The following SLC39A11 variants were observed in gnomAD, a reference collection of about 807,000 sequenced individuals.
The protein encoded by SLC39A11 is solute carrier family 39 member 11.
Under a neutral mutation model 36.1 loss-of-function variants are expected in SLC39A11, and 33 were observed. The observed-to-expected ratio is 0.91, with a 90% CI of 0.69 to 1.22. The LOEUF is 1.22. Among genes scored for constraint, SLC39A11 ranks in the 50% most tolerant of loss-of-function variants. The pLI is 0.00. For synonymous variants in SLC39A11, 166 were observed against 170.3 expected, an observed-to-expected ratio of 0.97 and a Z score of 0.20; for missense variants, 432 against 430.3, an observed-to-expected ratio of 1.00 and a Z score of -0.03.
chr17:72,671,988 C>T (rs189684741), intron 7 of SLC39A11, among the ~76,000 whole-genome samples: 1 of 152,224 alleles, frequency 6.6e-6, no homozygotes, highest in Non-Finnish European at 1.5e-5. Context: ...GTATTGTAAA[C>T]TTGAAATCTG....
chr17:72,977,578 C>T (rs2148127709), intron 4 of SLC39A11, among the ~76,000 whole-genome samples: 1 of 152,136 alleles, frequency 6.6e-6, no homozygotes, highest in African/African-American at 2.4e-5. Flanking sequence ...GTGAGATACA[C>T]CAGGGACAAG....
intron 5 of SLC39A11, among the ~76,000 whole-genome samples, chr17:72,904,011 G>A (rs1483375403): frequency 6.6e-6 from 1 of 152,200 alleles, no homozygotes; most frequent in Non-Finnish European, 1.5e-5. Flanking sequence ...ACATGGGCCA[G>A]GCACTGTGCT....
At position 72,647,384 on chromosome 17, in the gene SLC39A11, A is replaced by G. The variant is rs1021081422; in HGVS notation, c.*200T>C. On this transcript the variant is annotated 3_prime_UTR_variant, in exon 10 of 10. Coordinates refer to ENST00000255559, the MANE Select transcript of SLC39A11 (RefSeq NM_139177.4). The stretch of plus-strand genomic sequence containing the variant: ...GAATCTGTATTTCCATGACACCTTA[A>G]AATTCCCCATTAAATCAAAAATCTC... 20 of 440,274 alleles carry G rather than the reference A, an allele frequency of 4.5e-5. No homozygotes were observed. The highest frequency in any genetic ancestry group is 6.1e-5 in the Non-Finnish European group (15 of 246,152). 27.3% of individuals were successfully genotyped at this position (440,274 alleles called of 1,614,324 possible). A position where few individuals can be genotyped will look rare whatever the true frequency, so the allele number is the denominator to read the frequency against.
intron 4 of SLC39A11, among the ~76,000 whole-genome samples, chr17:73,020,302 T>C (rs2058298860): frequency 6.6e-6 from 1 of 152,160 alleles, no homozygotes. Flanking sequence ...ATAATAGGAT[T>C]AGTGTCCTTG....
chr17:72,931,299 G>T (rs1259742973), intron 5 of SLC39A11, among the ~76,000 whole-genome samples: 1 of 152,304 alleles, frequency 6.6e-6, no homozygotes, highest in South Asian at 2.1e-4. Context: ...GAGAAGTACT[G>T]GTGGACTGCA....
chr17:73,047,627 G>C (rs1479938539), intron 3 of SLC39A11, among the ~76,000 whole-genome samples: 1 of 151,880 alleles, frequency 6.6e-6, no homozygotes, highest in South Asian at 2.1e-4. Context: ...GTAAGCAGCA[G>C]AGCCAAGATT....
chr17:72,727,823 G>A (rs1450155171), intron 7 of SLC39A11, among the ~76,000 whole-genome samples: 1 of 152,100 alleles, frequency 6.6e-6, no homozygotes, highest in Non-Finnish European at 1.5e-5. Context: ...AAGGAGCTGG[G>A]GAGGGCTCCA....
chr17:72,696,236 A>G (rs1005783331), intron 7 of SLC39A11, among the ~76,000 whole-genome samples: 2 of 151,934 alleles, frequency 1.3e-5, no homozygotes, highest in African/African-American at 4.8e-5. Context: ...TGGAGATCGG[A>G]AAGCATGGCA....
intron 6 of SLC39A11, among the ~76,000 whole-genome samples, chr17:72,750,788 GAA>G (rs11315545): frequency 6.7e-6 from 1 of 148,940 alleles, no homozygotes; most frequent in Non-Finnish European, 1.5e-5. Context: ...GTTAATGGAG[GAA>G]AAAAAAAAAC....
intron 5 of SLC39A11, among the ~76,000 whole-genome samples, chr17:72,875,080 G>C (rs1376061071): frequency 6.6e-6 from 1 of 152,106 alleles, no homozygotes; most frequent in South Asian, 2.1e-4. Flanking sequence ...TCACAGCAAA[G>C]AGAGAAAAAG....
intron 3 of SLC39A11, among the ~76,000 whole-genome samples, chr17:73,058,444 C>T (rs1158800290): frequency 6.6e-6 from 1 of 152,102 alleles, no homozygotes; most frequent in African/African-American, 2.4e-5. Context: ...TAATCTTGGC[C>T]GGGTGCAGTG....
intron 3 of SLC39A11, among the ~76,000 whole-genome samples, chr17:73,053,715 G>A (rs2059580791): frequency 6.6e-6 from 1 of 152,116 alleles, no homozygotes; most frequent in African/African-American, 2.4e-5. Flanking sequence ...CAGAATACAT[G>A]TCCACTAATA....
At chr17:72,727,501 A>T (rs573874901) in intron 7 of SLC39A11, among the ~76,000 whole-genome samples, 1 of 151,758 alleles carries the variant, frequency 6.6e-6, no homozygotes, top group Non-Finnish European at 1.5e-5. Context: ...AAACACAAAA[A>T]ATCAGCCAGG....
At chr17:72,689,190 T>C (rs2071897734) in intron 7 of SLC39A11, among the ~76,000 whole-genome samples, 1 of 152,238 alleles carries the variant, frequency 6.6e-6, no homozygotes, top group Non-Finnish European at 1.5e-5. Context: ...CTCAGTTTCA[T>C]GCTAGAGCGT....
rs2077389384 is a variant in SLC39A11, at chr17:72,810,124, GTAA to G, written c.601+39507_601+39509del. 2.7e-5 allele frequency among the ~76,000 whole-genome samples: 4 copies of G among 150,068 alleles called. 1 individual carries two copies. In the South Asian group the frequency reaches 8.5e-4, roughly 32 times the overall value. On this transcript the variant is annotated intron_variant, in intron 6 of 9. Coordinates refer to ENST00000255559, the MANE Select transcript of SLC39A11 (RefSeq NM_139177.4). ...AGAAAAGAAAATGAAGAAAACTCTA[GTAA>G]TAATAATACTTGAATACTCTCTTAA...
chr17:72,908,974 C>A (rs2082814304), intron 5 of SLC39A11, among the ~76,000 whole-genome samples: 1 of 152,224 alleles, frequency 6.6e-6, no homozygotes, highest in Admixed American at 6.5e-5. Flanking sequence ...CCAACAACAT[C>A]CACATTCAAA....
chr17:72,982,085 T>A (rs2088365931), intron 4 of SLC39A11, among the ~76,000 whole-genome samples: 1 of 150,040 alleles, frequency 6.7e-6, no homozygotes, highest in Non-Finnish European at 1.5e-5. Context: ...TCTAAAATTT[T>A]TTTTTTTTTT....
chr17:72,788,671 G>A (rs953298134), intron 6 of SLC39A11, among the ~76,000 whole-genome samples: 2 of 152,232 alleles, frequency 1.3e-5, no homozygotes, highest in African/African-American at 2.4e-5. Context: ...AAACACCGGG[G>A]CTCCACCCAA....
intron 7 of SLC39A11, among the ~76,000 whole-genome samples, chr17:72,732,708 G>A (rs1349006966): frequency 6.6e-6 from 1 of 152,136 alleles, no homozygotes; most frequent in East Asian, 1.9e-4. Context: ...CCTCCTCCTT[G>A]CCCCCAGGCA....
Sources: allele counts gnomAD v4.1 joint callset (sites outside exome capture counted in the v4.1 genomes callset), GRCh38; gene constraint gnomAD v4.1.1; transcripts MANE v1.5; gene names NCBI Gene and HGNC (gene_info 2026-07-23, HGNC 2026-07-21).